The following STXBP3 variants were observed in gnomAD, a reference collection of about 807,000 sequenced individuals.
The protein encoded by STXBP3 is syntaxin binding protein 3, also known as syntaxin-binding protein 3.
STXBP3 carries 41 observed loss-of-function variants against 85.7 expected under a neutral mutation model. The observed-to-expected ratio is 0.48, with a 90% CI of 0.37 to 0.62. The LOEUF is 0.62. Ranked by LOEUF, STXBP3 falls within the 20% of genes least tolerant of loss-of-function variation. The pLI is 0.00. For synonymous variants in STXBP3, 229 were observed against 231.7 expected (o/e 0.99, Z 0.10); for missense variants, 563 against 703.1 (o/e 0.80, Z 2.25).
chr1:108,758,702 T>A, intron 5 of STXBP3, 114 bp downstream of exon 5: 1 of 446,406 alleles, frequency 2.2e-6, no homozygotes, highest in South Asian at 6.5e-5. Context: ...TTTATAATAT[T>A]ATTTCAGTCC....
At chr1:108,783,391 C>T (rs1447952839) in intron 11 of STXBP3, among the ~76,000 whole-genome samples, 1 of 152,172 alleles carries the variant, frequency 6.6e-6, no homozygotes, top group Non-Finnish European at 1.5e-5. Flanking sequence ...CCTGTCAGTA[C>T]CCCTCCTGCC....
At position 108,757,063 on chromosome 1, in the gene STXBP3, G is replaced by A. The variant is rs540885554; in HGVS notation, c.258+297G>A. On this transcript the variant is annotated intron_variant, in intron 4 of 18. Transcript: ENST00000370008. ...CAGTTCCTATTGAACTATACCTTTT[G>A]GGGGGATGGTAATGTAGGTAAAAGA... is the stretch of plus-strand genomic sequence containing the variant. The A allele has an allele frequency of 6.6e-5, 13 of 196,018 alleles. No individual in the cohort carries two copies. The Admixed American group carries it at 7.6e-4, about 11-fold the overall frequency. The allele number at this position is 196,018 out of a possible 1,614,324, so 12.1% of individuals were successfully genotyped here.
chr1:108,755,864 C>G (rs1305583109), intron 3 of STXBP3, among the ~76,000 whole-genome samples: 2 of 151,878 alleles, frequency 1.3e-5, no homozygotes, highest in Non-Finnish European at 2.9e-5. Flanking sequence ...TATGATAAAC[C>G]TATACATTAC....
chr1:108,791,503 T>A (rs1662973654), intron 11 of STXBP3, among the ~76,000 whole-genome samples: 3 of 152,138 alleles, frequency 2.0e-5, no homozygotes, highest in Admixed American at 1.3e-4. Flanking sequence ...ATCTCTTGAC[T>A]GTATTCTATA....
chr1:108,801,259 G>T (rs1663226960), intron 17 of STXBP3, among the ~76,000 whole-genome samples: 2 of 151,868 alleles, frequency 1.3e-5, no homozygotes, highest in South Asian at 4.1e-4. Flanking sequence ...TCTACTCAGG[G>T]TTAATTCCTA....
Position 108,746,684 on chromosome 1 carries a change from C to G in STXBP3, c.-54C>G. 1 of 1,546,852 alleles carries G rather than the reference C, an allele frequency of 6.5e-7. No individual in the cohort carries two copies. Among genetic ancestry groups the G allele is most frequent in the Non-Finnish European group, 8.7e-7 (1 of 1,144,396 alleles). ...GGCCACCCCAACGCCGCTTCTGCGG[C>G]CAAAGTAGGTTGGGAGTGGAAGGTG... On this transcript the variant is annotated 5_prime_UTR_variant, in exon 1 of 19. Transcript: ENST00000370008.
At chr1:108,768,032 G>C (rs986889982) in intron 6 of STXBP3, among the ~76,000 whole-genome samples, 3 of 152,198 alleles carry the variant, frequency 2.0e-5, no homozygotes, top group African/African-American at 4.8e-5. Flanking sequence ...GGCATATATG[G>C]CTGTTCTTCA....
chr1:108,764,632 A>G (rs180957881), intron 6 of STXBP3, among the ~76,000 whole-genome samples: 2 of 152,114 alleles, frequency 1.3e-5, no homozygotes, highest in Admixed American at 1.3e-4. Context: ...TTTGATTTGC[A>G]TTTCTTTAAT....
At chr1:108,804,779 T>C (rs1358125263) in intron 17 of STXBP3, among the ~76,000 whole-genome samples, 1 of 152,216 alleles carries the variant, frequency 6.6e-6, no homozygotes, top group Non-Finnish European at 1.5e-5. Flanking sequence ...CTTCCTTGCA[T>C]CTCCCCTTGC....
At position 108,808,956 on chromosome 1, in the gene STXBP3, T is replaced by C. The variant is rs1663400758; in HGVS notation, c.*79T>C. ...AAAGAAAATGTTGCTGTCATGTAAT[T>C]TAAACAATGTAAATATTTTATGGAA... is the stretch of plus-strand genomic sequence containing the variant. On this transcript the variant is annotated 3_prime_UTR_variant, in exon 19 of 19. Coordinates refer to ENST00000370008, the MANE Select transcript of STXBP3 (RefSeq NM_007269.4). The C allele has an allele frequency of 1.1e-6, 1 of 948,778 alleles. No homozygotes were observed. Among genetic ancestry groups the C allele is most frequent in the Non-Finnish European group, 1.6e-6 (1 of 621,366 alleles). 58.8% of individuals were successfully genotyped at this position (948,778 alleles called of 1,614,324 possible).
rs1247858310 is a variant in STXBP3, at chr1:108,753,071, T to G, written c.108T>G (p.Leu36=). Residue 36 remains leucine, a synonymous_variant, in exon 3 of 19, where the codon CTT becomes CTG. Coordinates refer to ENST00000370008, the MANE Select transcript of STXBP3 (RefSeq NM_007269.4). ...CKKEGEWKIM[L]LDEFTTKLLA... is the part of the protein sequence containing the mutation. The stretch of plus-strand genomic sequence containing the variant: ...TTTGTGTTTGTTTTAAGATAATGCT[T>G]TTAGATGAATTTACCACTAAGCTTT... 4 of 1,573,394 alleles carry G rather than the reference T, an allele frequency of 2.5e-6. No individual in the cohort carries two copies. The highest frequency in any genetic ancestry group is 3.4e-6 in the Non-Finnish European group (4 of 1,162,726).
chr1:108,772,333 TC>T (rs1182411766), intron 6 of STXBP3, among the ~76,000 whole-genome samples: 4,457 of 67,964 alleles, frequency 0.066, 1,484 homozygotes, highest in African/African-American at 0.2. Context: ...GATATCTGTA[TC>T]ATATATAAAT....
At chr1:108,772,585 A>T (rs900674394) in intron 6 of STXBP3, 80 bp from the exon 7 acceptor site, 2 of 548,118 alleles carry the variant, frequency 3.6e-6, no homozygotes, top group East Asian at 1.7e-4. Flanking sequence ...TATATACATT[A>T]TATATAACAT....
chr1:108,803,788 C>T (rs998370435), intron 17 of STXBP3, among the ~76,000 whole-genome samples: 3 of 152,068 alleles, frequency 2.0e-5, no homozygotes, highest in Non-Finnish European at 4.4e-5. Context: ...GCCTGGCCAG[C>T]GGTGGTAGTC....
rs1662105455 is a variant in STXBP3 at position 108,760,086 on chromosome 1, G to A, written c.438+1G>A. The A allele has an allele frequency of 6.6e-7, 1 of 1,523,072 alleles. No homozygotes were observed. 94.3% of individuals were successfully genotyped at this position (1,523,072 alleles called of 1,614,324 possible). On this transcript the variant is annotated splice_donor_variant, in intron 6 of 18. Coordinates refer to ENST00000370008, the MANE Select transcript of STXBP3 (RefSeq NM_007269.4). LOFTEE classifies it high-confidence loss of function. ...TTCCTTCATTCCACATGAATCTCAG[G>A]TACTTTCTATTTTTATTTTTTAGTT... is the stretch of plus-strand genomic sequence containing the variant.
intron 6 of STXBP3, chr1:108,766,934 C>A: frequency 1.9e-6 from 1 of 536,262 alleles, no homozygotes; most frequent in East Asian, 5.1e-5. Context: ...GGGAGGACTT[C>A]AGTGGCACTA....
At chr1:108,771,366 A>T (rs1421968701) in intron 6 of STXBP3, among the ~76,000 whole-genome samples, 1 of 131,764 alleles carries the variant, frequency 7.6e-6, no homozygotes, top group East Asian at 2.0e-4. Context: ...CTTGATATAT[A>T]TCTATATATA....
chr1:108,752,359 A>T, intron 2 of STXBP3, 53 bp downstream of exon 2: 6 of 1,528,800 alleles, frequency 3.9e-6, no homozygotes, highest in Non-Finnish European at 4.5e-6. Context: ...TTTAAAAACA[A>T]TACAGTATAA....
intron 15 of STXBP3, among the ~76,000 whole-genome samples, chr1:108,797,831 G>T (rs1663141882): frequency 6.6e-6 from 1 of 151,890 alleles, no homozygotes; most frequent in African/African-American, 2.4e-5. Flanking sequence ...TGCCTCCTGG[G>T]TTTATGCCAT....
Sources: allele counts gnomAD v4.1 joint callset (sites outside exome capture counted in the v4.1 genomes callset), GRCh38; gene constraint gnomAD v4.1.1; transcripts MANE v1.5; gene names NCBI Gene and HGNC (gene_info 2026-07-23, HGNC 2026-07-21).